Variants in LDB3 observed in about 807,000 individuals in gnomAD.
LDB3 encodes LIM domain-binding protein 3.
Under a neutral mutation model 69.0 loss-of-function variants are expected in LDB3, and 49 were observed. The ratio of observed to expected loss-of-function variants is 0.71; its 90% CI spans 0.56 to 0.90. The LOEUF (loss-of-function observed/expected upper bound fraction) is 0.90, where lower values mean the gene tolerates loss of function less well. LDB3 is among the 40% of genes least tolerant of loss of function. The pLI, the probability that LDB3 is intolerant of heterozygous loss-of-function variation, is 0.00. For synonymous variants in LDB3, 387 were observed against 396.2 expected, an observed-to-expected ratio of 0.98 and a Z score of 0.28; for missense variants, 928 against 974.1, an observed-to-expected ratio of 0.95 and a Z score of 0.63.
intron 2 of LDB3, among the ~76,000 whole-genome samples, chr10:86,676,002 A>G (rs1844771869): frequency 6.6e-6 from 1 of 152,130 alleles, no homozygotes; most frequent in Non-Finnish European, 1.5e-5. Flanking sequence ...CACTTTGTTC[A>G]CCTCTACACT....
upstream of LDB3, among the ~76,000 whole-genome samples, chr10:86,667,537 TC>T (rs1844228625): frequency 1.3e-5 from 2 of 152,038 alleles, no homozygotes; most frequent in Non-Finnish European, 2.9e-5. Flanking sequence ...CACACGTGCT[TC>T]CCCCTCCCTG....
intron 12 of LDB3, 43 bp from the exon 13 acceptor site, chr10:86,726,094 G>A: frequency 7.0e-7 from 1 of 1,436,306 alleles, no homozygotes; most frequent in Non-Finnish European, 9.8e-7. Context: ...GGTCCCCGCT[G>A]CCCCCACTGG....
chr10:86,723,942 G>C (rs973151520), intron 12 of LDB3, among the ~76,000 whole-genome samples: 1 of 152,202 alleles, frequency 6.6e-6, no homozygotes, highest in Non-Finnish European at 1.5e-5. Flanking sequence ...ATGAACATTG[G>C]AGTCCATCAG....
intron 5 of LDB3, chr10:86,685,600 G>T: frequency 2.7e-6 from 4 of 1,457,916 alleles, no homozygotes; most frequent in Non-Finnish European, 3.9e-6. Context: ...CCAGGCTGAT[G>T]ATGGCCCCGG....
rs1323002546 is a variant in LDB3 at position 86,668,763 on chromosome 10, C to A, written c.72C>A (p.Asn24Lys). ...GFRLQGGKDF[N>K]MPLTISRITP... ...GTCTGCAGGGGGGCAAGGACTTCAA[C>A]ATGCCCCTCACTATCTCCCGGGTGA... The change falls in exon 2 of 14, where the codon AAC (asparagine) becomes AAA (lysine). Residue 24 changes from asparagine (N) to lysine (K), a missense_variant. Coordinates refer to ENST00000361373, the MANE Select transcript of LDB3 (RefSeq NM_007078.3). The A allele has an allele frequency of 6.2e-6, 10 of 1,613,096 alleles. No individual in the cohort carries two copies. Among genetic ancestry groups the A allele is most frequent in the Non-Finnish European group, 8.5e-6 (10 of 1,179,920 alleles).
At chr10:86,708,996 C>A (rs1846543138) in intron 8 of LDB3, among the ~76,000 whole-genome samples, 1 of 152,354 alleles carries the variant, frequency 6.6e-6, no homozygotes, top group Admixed American at 6.5e-5. Context: ...TCTCCAGCAC[C>A]TCTAGCAATA....
intron 5 of LDB3, among the ~76,000 whole-genome samples, chr10:86,685,134 A>G (rs1392842936): frequency 6.6e-6 from 1 of 152,108 alleles, no homozygotes; most frequent in Admixed American, 6.5e-5. Flanking sequence ...GAGGGAGAGG[A>G]GGTCAGGTTT....
intron 7 of LDB3, among the ~76,000 whole-genome samples, chr10:86,694,891 C>T (rs1337919510): frequency 6.6e-6 from 1 of 152,232 alleles, no homozygotes; most frequent in East Asian, 1.9e-4. Flanking sequence ...TCCCCACTCC[C>T]AAGTTCGAAG....
intron 9 of LDB3, among the ~76,000 whole-genome samples, chr10:86,713,113 T>G (rs898705160): frequency 2.0e-5 from 3 of 151,808 alleles, no homozygotes; most frequent in Admixed American, 1.3e-4. Flanking sequence ...TATAAAATAA[T>G]TATTAATGTG....
intron 7 of LDB3, among the ~76,000 whole-genome samples, chr10:86,698,946 C>T (rs1043936749): frequency 2.0e-5 from 3 of 152,076 alleles, no homozygotes; most frequent in Non-Finnish European, 4.4e-5. Flanking sequence ...CCAGGGAGGC[C>T]CTCTTTGCTC....
chr10:86,723,268 TAAAAAAAAAAAAA>T (rs56259917), intron 12 of LDB3, among the ~76,000 whole-genome samples: 10 of 49,118 alleles, frequency 2.0e-4, no homozygotes, highest in Admixed American at 1.8e-3. Context: ...AGACTCAATC[TAAAAAAAAAAAAA>T]AAAAAAAAAA....
chr10:86,720,733 GC>G (rs1847053251), intron 12 of LDB3, among the ~76,000 whole-genome samples: 1 of 152,154 alleles, frequency 6.6e-6, no homozygotes, highest in Non-Finnish European at 1.5e-5. Context: ...TGTGTCTGAG[GC>G]TTTTGAAAGA....
Position 86,732,992 on chromosome 10 carries a change from TGTGCTG to T in LDB3, c.*17_*22del. 1 of 1,597,964 alleles carries T rather than the reference TGTGCTG, an allele frequency of 6.3e-7. No individual in the cohort carries two copies. Among genetic ancestry groups the T allele is most frequent in the Non-Finnish European group, 8.6e-7 (1 of 1,167,204 alleles). On this transcript the variant is annotated 3_prime_UTR_variant, in exon 14 of 14. Transcript: ENST00000361373. ...CAACTTGTAGGCGGCCAAGGCCGCC[TGTGCTG>T]ACGAGGCCCGGAGCTGCTCCTGCTG...
intron 12 of LDB3, among the ~76,000 whole-genome samples, chr10:86,725,034 G>A (rs1038883434): frequency 7.2e-5 from 11 of 152,160 alleles, no homozygotes; most frequent in African/African-American, 2.4e-4. Flanking sequence ...CGTGGTCTAA[G>A]ACAATGAATG....
At position 86,733,045 on chromosome 10, in the gene LDB3, G is replaced by A. The variant is rs1847532380; in HGVS notation, c.*69G>A. On this transcript the variant is annotated 3_prime_UTR_variant, in exon 14 of 14. Coordinates refer to ENST00000361373, the MANE Select transcript of LDB3 (RefSeq NM_007078.3). Reference sequence around the variant, plus strand: ...GCTGCTGGCAACAAAGGATTCGGGAGGCTGATGTTTCTTCTGAGGGGAATG... The same window carrying A: ...GCTGCTGGCAACAAAGGATTCGGGAAGCTGATGTTTCTTCTGAGGGGAATG... The A allele has an allele frequency of 9.3e-7, 1 of 1,080,656 alleles. No individual in the cohort carries two copies. The highest frequency in any genetic ancestry group is 1.6e-5 in the African/African-American group (1 of 64,234). 66.9% of individuals were successfully genotyped at this position (1,080,656 alleles called of 1,614,324 possible).
chr10:86,715,168 G>A (rs991326144), intron 9 of LDB3, among the ~76,000 whole-genome samples: 2 of 152,292 alleles, frequency 1.3e-5, no homozygotes, highest in Admixed American at 1.3e-4. Context: ...AGTATGGGGT[G>A]GGGGGCAGAG....
chr10:86,732,833 T>C (rs952020302), intron 13 of LDB3, 54 bp from the exon 14 acceptor site: 1 of 1,429,382 alleles, frequency 7.0e-7, no homozygotes, highest in Admixed American at 1.7e-5. Flanking sequence ...GTGATTGAAA[T>C]CTGCTCATGC....
chr10:86,680,017 C>A, intron 3 of LDB3, 65 bp from the exon 4 acceptor site: 1 of 1,430,388 alleles, frequency 7.0e-7, no homozygotes, highest in Non-Finnish European at 9.9e-7. Flanking sequence ...ACCAGCCCTG[C>A]CCAGGCAGGA....
At chr10:86,685,557 T>C (rs1303655427) in intron 5 of LDB3, 10 of 926,432 alleles carry the variant, frequency 1.1e-5, no homozygotes, top group African/African-American at 1.6e-5. Context: ...TCCTCACCCA[T>C]TGCGGTTTGG....
Sources: gnomAD v4.1 joint callset for allele counts (sites outside exome capture counted in the v4.1 genomes callset) on GRCh38, gnomAD v4.1.1 for gene constraint, MANE v1.5 for transcripts, NCBI Gene and HGNC (gene_info 2026-07-23, HGNC 2026-07-21) for gene names.